Variants in PLPP3 observed in about 807,000 individuals in gnomAD.
The protein encoded by PLPP3 is phospholipid phosphatase 3, also known as PAP2 beta.
Under a neutral mutation model 29.6 loss-of-function variants are expected in PLPP3, and 6 were observed. The observed-to-expected ratio is 0.20, with a 90% CI of 0.11 to 0.40. PLPP3 has a LOEUF of 0.40. PLPP3 is among the 10% of genes least tolerant of loss of function. PLPP3 has a pLI of 1.00. For synonymous variants in PLPP3, 152 were observed against 159.7 expected, an observed-to-expected ratio of 0.95 and a Z score of 0.36; for missense variants, 308 against 407.7, an observed-to-expected ratio of 0.76 and a Z score of 2.11.
intron 4 of PLPP3, among the ~76,000 whole-genome samples, chr1:56,519,746 G>GTTT (rs112097512): frequency 7.2e-6 from 1 of 139,826 alleles, no homozygotes. Context: ...CTGTGGGTTT[G>GTTT]TTTTTTTTTT....
intron 1 of PLPP3, among the ~76,000 whole-genome samples, chr1:56,575,328 T>C (rs1164941475): frequency 6.6e-6 from 1 of 152,204 alleles, no homozygotes; most frequent in Non-Finnish European, 1.5e-5. Context: ...CCTCTCTCAC[T>C]ATTTAAAGTA....
intron 5 of PLPP3, among the ~76,000 whole-genome samples, chr1:56,497,092 C>T (rs1349258751): frequency 1.3e-5 from 2 of 152,308 alleles, no homozygotes; most frequent in Admixed American, 1.3e-4. Flanking sequence ...AGGGTGTAAC[C>T]GAAAAAGATC....
intron 4 of PLPP3, among the ~76,000 whole-genome samples, chr1:56,517,858 T>C (rs147210735): frequency 2.8e-4 from 43 of 152,338 alleles, no homozygotes; most frequent in African/African-American, 9.9e-4. Flanking sequence ...AACACAAGCG[T>C]ACAGCTTTTG....
intron 2 of PLPP3, among the ~76,000 whole-genome samples, chr1:56,534,084 A>C (rs917202489): frequency 6.6e-6 from 1 of 152,156 alleles, no homozygotes; most frequent in African/African-American, 2.4e-5. Flanking sequence ...AATACTTAGC[A>C]TTTCTGCCCA....
intron 1 of PLPP3, among the ~76,000 whole-genome samples, chr1:56,548,973 A>C (rs1454450880): frequency 6.6e-6 from 1 of 152,072 alleles, no homozygotes; most frequent in African/African-American, 2.4e-5. Flanking sequence ...TTCAGTTCTT[A>C]TTATCTCCCA....
At chr1:56,568,342 T>C (rs909040732) in intron 1 of PLPP3, among the ~76,000 whole-genome samples, 1 of 152,192 alleles carries the variant, frequency 6.6e-6, no homozygotes, top group African/African-American at 2.4e-5. Flanking sequence ...ATAAAGCTCT[T>C]TGAATAAAAT....
intron 1 of PLPP3, among the ~76,000 whole-genome samples, chr1:56,553,440 C>T (rs917563376): frequency 2.6e-5 from 4 of 152,174 alleles, no homozygotes; most frequent in Non-Finnish European, 2.9e-5. Flanking sequence ...CAAGGAAAAG[C>T]CTTCTGCACT....
intron 4 of PLPP3, chr1:56,512,885 T>C (rs908851462): frequency 7.2e-5 from 11 of 152,128 alleles, no homozygotes; most frequent in Admixed American, 2.6e-4. Context: ...TGATGACAAC[T>C]TACTTAACAC....
intron 1 of PLPP3, chr1:56,538,588 G>C (rs1645945067): frequency 5.6e-6 from 2 of 360,204 alleles, no homozygotes; most frequent in Non-Finnish European, 1.1e-5. Context: ...TAAGGGAATG[G>C]GTACTGCTCT....
In PLPP3 at chr1:56,494,896, C is replaced by CTGACAATT. The variant is rs1176345268; in HGVS notation, c.*1647_*1654dup. 1.3e-5 allele frequency: 2 copies of CTGACAATT among 152,598 alleles called. No homozygotes were observed. The highest frequency in any genetic ancestry group is 2.9e-5 in the Non-Finnish European group (2 of 68,034). The allele number at this position is 152,598 out of a possible 1,614,324, so 9.5% of individuals were successfully genotyped here. On this transcript the variant is annotated 3_prime_UTR_variant, in exon 6 of 6. Transcript: ENST00000371250. ...TACAAAATGGAACCTTACAAAAATA[C>CTGACAATT]TGACAATTTAATGTTTTTATACAGT...
intron 1 of PLPP3, 96 bp downstream of exon 1, chr1:56,578,782 C>T (rs1646255725): frequency 8.1e-7 from 1 of 1,233,806 alleles, no homozygotes; most frequent in East Asian, 3.4e-5. Flanking sequence ...GCTGACGGCG[C>T]GGCGCGGCGC....
Position 56,557,008 on chromosome 1 carries a change from A to AAGAAAGAAAGAAAGAG in PLPP3, c.140-19897_140-19896insCTCTTTCTTTCTTTCT, listed in dbSNP as rs1553139323. Among the ~76,000 whole-genome samples the AAGAAAGAAAGAAAGAG allele has an allele frequency of 3.6e-3, 49 of 13,738 alleles. 1 individual carries two copies. Among genetic ancestry groups the AAGAAAGAAAGAAAGAG allele is most frequent in the South Asian group, 6.0e-3 (3 of 496 alleles). 9.0% of individuals were successfully genotyped at this position (13,738 alleles called of 152,430 possible). ...AAAGAAAGAAAGAAAGAAAGAAAGA[A>AAGAAAGAAAGAAAGAG]AGAGAGAGAGAGAGAGAAAGAGAGA... On this transcript the variant is annotated intron_variant, in intron 1 of 5. Transcript: ENST00000371250.
chr1:56,574,304 C>G (rs1384980356), intron 1 of PLPP3, among the ~76,000 whole-genome samples: 1 of 152,056 alleles, frequency 6.6e-6, no homozygotes, highest in Non-Finnish European at 1.5e-5. Flanking sequence ...GGCTGGAGTG[C>G]AGTGACACAA....
chr1:56,556,998 G>GAAAGAAAGAAGGAAAGAAAGAAAGA (rs1646082452), intron 1 of PLPP3, among the ~76,000 whole-genome samples: 4 of 7,450 alleles, frequency 5.4e-4, no homozygotes, highest in South Asian at 4.3e-3. Context: ...AAGAAAGAAA[G>GAAAGAAAGAAGGAAAGAAAGAAAGA]AAAGAAAGAA....
rs551455415 is a variant in PLPP3 at position 56,508,553 on chromosome 1, T to G, written c.810+3423A>C. 3.3e-5 allele frequency among the ~76,000 whole-genome samples: 5 copies of G among 152,330 alleles called. No individual in the cohort carries two copies. In the East Asian group the frequency reaches 9.6e-4, roughly 29 times the overall value. On this transcript the variant is annotated intron_variant, in intron 5 of 5. Coordinates refer to ENST00000371250, the MANE Select transcript of PLPP3 (RefSeq NM_003713.5). ...CTCTTAACCTCAGGTGATGTCTCTG[T>G]GTTTCAAAAACCATTCAATACAGCC...
In PLPP3 at chr1:56,537,079, G is replaced by A; in HGVS notation, c.173C>T (p.Thr58Ile). The A allele has an allele frequency of 1.2e-6, 2 of 1,613,520 alleles. No individual in the cohort carries two copies. The highest frequency in any genetic ancestry group is 1.7e-6 in the Non-Finnish European group (2 of 1,179,766). Residue 58 changes from threonine to isoleucine, a missense_variant, in exon 2 of 6, where the codon ACC becomes ATC. By Grantham distance (89) the Thr-to-Ile change is moderately conservative. Around this residue, in one of 3 missense-constraint regions of PLPP3, gnomAD observed 9 missense variants for 29.3 expected, o/e 0.31. Transcript: ENST00000371250. ...AAACCCTCGGTGGTAAGGCTTGATGGTGCTTGTCTCGATGATGAGGAAGGG... is the reference window on the plus strand; with the variant it reads ...AAACCCTCGGTGGTAAGGCTTGATGATGCTTGTCTCGATGATGAGGAAGGG... ...GLPFLIIETS[T>I]IKPYHRGFYC...
intron 4 of PLPP3, among the ~76,000 whole-genome samples, chr1:56,515,954 G>A (rs1320080894): frequency 1.3e-5 from 2 of 152,146 alleles, no homozygotes; most frequent in Non-Finnish European, 2.9e-5. Context: ...GAACCTGTCC[G>A]GCACAGGACG....
intron 5 of PLPP3, among the ~76,000 whole-genome samples, chr1:56,508,276 G>A (rs1338109201): frequency 6.6e-6 from 1 of 152,174 alleles, no homozygotes; most frequent in Non-Finnish European, 1.5e-5. Context: ...GAGATGAGAG[G>A]AGACCTGCCA....
chr1:56,515,987 A>C (rs1008434176), intron 4 of PLPP3, among the ~76,000 whole-genome samples: 2 of 152,214 alleles, frequency 1.3e-5, no homozygotes, highest in African/African-American at 4.8e-5. Flanking sequence ...ACTTTTCAGA[A>C]ATCCAGGTTA....
Sources: gnomAD v4.1 joint callset for allele counts (sites outside exome capture counted in the v4.1 genomes callset) on GRCh38, gnomAD v4.1.1 for gene constraint, gnomAD v4.1.1 regional missense constraint, MANE v1.5 for transcripts, NCBI Gene and HGNC (gene_info 2026-07-23, HGNC 2026-07-21) for gene names.